ANLN: variants seen among roughly 807,000 people sequenced by gnomAD.
The protein encoded by ANLN is anillin.
A neutral mutation model predicts 135.1 loss-of-function variants in ANLN; 59 were observed. The ratio of observed to expected loss-of-function variants is 0.44; its 90% CI spans 0.35 to 0.54. The LOEUF (loss-of-function observed/expected upper bound fraction) is 0.54. Ranked by LOEUF, ANLN falls within the 20% of genes least tolerant of loss-of-function variation. ANLN has a pLI of 0.00. For synonymous variants in ANLN, 406 were observed against 456.4 expected (o/e 0.89, Z 1.41); for missense variants, 1,182 against 1,340.0 (o/e 0.88, Z 1.84).
chr7:36,447,720 C>A (rs867533699), intron 22 of ANLN, among the ~76,000 whole-genome samples: 2 of 152,142 alleles, frequency 1.3e-5, no homozygotes, highest in East Asian at 3.9e-4. Context: ...GGCGTGGATA[C>A]GCTGGACAAA....
Position 36,389,962 on chromosome 7 carries a change from C to T in ANLN, c.-65C>T. On this transcript the variant is annotated 5_prime_UTR_variant, in exon 1 of 24. Coordinates refer to ENST00000265748, the MANE Select transcript of ANLN (RefSeq NM_018685.5). ...TTCCAGGAGACACACTGAGCTGAGA[C>T]TCACTTTTCTCTTCCTGAATTTGAA... 1 of 1,614,038 alleles carries T rather than the reference C, an allele frequency of 6.2e-7. No individual in the cohort carries two copies. Among genetic ancestry groups the T allele is most frequent in the East Asian group, 2.2e-5 (1 of 44,878 alleles).
chr7:36,393,386 T>C (rs1451404664), intron 1 of ANLN, among the ~76,000 whole-genome samples: 2 of 152,170 alleles, frequency 1.3e-5, no homozygotes, highest in Non-Finnish European at 2.9e-5. Context: ...GGGAAACATA[T>C]TTAATAGCTT....
intron 12 of ANLN, among the ~76,000 whole-genome samples, 172 bp from the exon 13 acceptor site, chr7:36,421,685 A>G (rs1017031180): frequency 1.3e-5 from 2 of 152,256 alleles, no homozygotes; most frequent in African/African-American, 2.4e-5. Context: ...TTATTGTAAC[A>G]TGCTAAATGT....
chr7:36,411,259 T>C, intron 7 of ANLN, 93 bp downstream of exon 7: 1 of 1,005,118 alleles, frequency 9.9e-7, no homozygotes, highest in Non-Finnish European at 1.4e-6. Context: ...TCTTTACACA[T>C]TTTTCTTTTC....
intron 12 of ANLN, among the ~76,000 whole-genome samples, chr7:36,421,380 A>T (rs1787871014): frequency 6.6e-6 from 1 of 151,906 alleles, no homozygotes; most frequent in Non-Finnish European, 1.5e-5. Flanking sequence ...TAAAAAAAAT[A>T]TTTTAATTAT....
At chr7:36,441,777 C>G (rs1261823583) in intron 21 of ANLN, among the ~76,000 whole-genome samples, 1 of 152,200 alleles carries the variant, frequency 6.6e-6, no homozygotes, top group African/African-American at 2.4e-5. Flanking sequence ...GTTACCTTGT[C>G]TGTTTATTAC....
chr7:36,447,808 G>A (rs182395725), intron 22 of ANLN, among the ~76,000 whole-genome samples: 4 of 152,216 alleles, frequency 2.6e-5, no homozygotes, highest in East Asian at 1.9e-4. Flanking sequence ...TAAAACTTAC[G>A]AATAGTTTGT....
Position 36,411,153 on chromosome 7 carries a change from T to G in ANLN, c.1382T>G (p.Leu461Arg), listed in dbSNP as rs768348976. 6 of 1,604,966 alleles carry G rather than the reference T, an allele frequency of 3.7e-6. No individual in the cohort carries two copies. The East Asian group carries it at 8.9e-5, about 24-fold the overall frequency. Residue 461 changes from leucine (L) to arginine (R), a missense_variant, in exon 7 of 24, where the codon CTA (leucine) becomes CGA (arginine). Coordinates refer to ENST00000265748, the MANE Select transcript of ANLN (RefSeq NM_018685.5). The stretch of plus-strand genomic sequence containing the variant: ...GGCGGAAACTCAAAAAGCAAACAAC[T>G]AGAAACCAAACAGGTAATGTAAACA... Reference protein sequence around the residue: ...EKGGNSKSKQLETKQETHCQS... With the variant: ...EKGGNSKSKQRETKQETHCQS...
intron 7 of ANLN, among the ~76,000 whole-genome samples, chr7:36,412,419 C>T (rs1456348848): frequency 2.0e-5 from 3 of 150,552 alleles, no homozygotes; most frequent in African/African-American, 7.3e-5. Context: ...ACCTCCACCT[C>T]CCGGCTTCAA....
chr7:36,410,489 C>T (rs372391714), intron 5 of ANLN, 25 bp from the exon 6 acceptor site: 16 of 1,552,308 alleles, frequency 1.0e-5, no homozygotes, highest in Non-Finnish European at 1.2e-5. Context: ...TGAATAGCCT[C>T]CAAAAATGTG....
At chr7:36,402,344 C>T (rs1185187748) in intron 3 of ANLN, among the ~76,000 whole-genome samples, 1 of 150,814 alleles carries the variant, frequency 6.6e-6, no homozygotes, top group Non-Finnish European at 1.5e-5. Context: ...AACTCCTGAC[C>T]TCAGGTGATC....
chr7:36,417,866 G>A (rs906451245), intron 9 of ANLN, among the ~76,000 whole-genome samples: 3 of 151,744 alleles, frequency 2.0e-5, no homozygotes, highest in Non-Finnish European at 4.4e-5. Context: ...TAGTAGAGAG[G>A]GGGTTTCACC....
chr7:36,420,266 C>T lies in ANLN; in HGVS notation c.1967C>T (p.Ala656Val), dbSNP rs1387928172. 3 of 1,614,082 alleles carry T rather than the reference C, an allele frequency of 1.9e-6. No individual in the cohort carries two copies. Among genetic ancestry groups the T allele is most frequent in the Admixed American group, 3.3e-5 (2 of 60,018 alleles). Residue 656 changes from alanine to valine, a missense_variant, in exon 11 of 24, where the codon GCT becomes GTT. Physicochemically the swap from Ala to Val is moderately conservative, Grantham distance 64 (BLOSUM62 0). Around this residue, in one of 3 missense-constraint regions of ANLN, gnomAD observed 1,022 missense variants for 1,134.0 expected, o/e 0.90. Coordinates refer to ENST00000265748, the MANE Select transcript of ANLN (RefSeq NM_018685.5). ...TTCCAAAGAACTCGTGTCCCTCGAG[C>T]TGAATCTGGTGATAGCCTTGGTTCT... ...GKFQRTRVPR[A>V]ESGDSLGSED...
rs117525539 is a variant in ANLN, at chr7:36,423,188, G to A, written c.2476+379G>A. On this transcript the variant is annotated intron_variant, in intron 14 of 23. Coordinates refer to ENST00000265748, the MANE Select transcript of ANLN (RefSeq NM_018685.5). ...AATTTATTTTAAAAAATTTCTTTTT[G>A]AGGGGAAGGAGGGCTAGACATAGGT... Among the ~76,000 whole-genome samples, 134 of 152,166 alleles carry A rather than the reference G, an allele frequency of 8.8e-4. No homozygotes were observed. In the East Asian group the frequency reaches 0.01, roughly 11 times the overall value.
chr7:36,413,312 C>G (rs955155556), intron 7 of ANLN, among the ~76,000 whole-genome samples: 1 of 152,168 alleles, frequency 6.6e-6, no homozygotes, highest in African/African-American at 2.4e-5. Context: ...ATTCTATCTG[C>G]TTAAGCTTTG....
chr7:36,410,404 G>A, intron 5 of ANLN, 110 bp from the exon 6 acceptor site: 1 of 949,916 alleles, frequency 1.1e-6, no homozygotes. Flanking sequence ...GAATATTCCT[G>A]ATAGAATCAA....
Position 36,420,707 on chromosome 7 carries a change from C to A in ANLN, c.2126C>A (p.Ala709Asp), listed in dbSNP as rs574029952. The part of the protein sequence containing the change: ...VTSKLDEKNN[A>D]FPCQVNIKQK... ...TCAAAACTGGATGAAAAAAATAATG[C>A]CTTTCCTTGTCAAGTTAATATCAAA... Residue 709 changes from alanine (A) to aspartate (D), a missense_variant, in exon 12 of 24, where the codon GCC becomes GAC. By Grantham distance (126) the Ala-to-Asp change is moderately radical. Coordinates refer to ENST00000265748, the MANE Select transcript of ANLN (RefSeq NM_018685.5). 2 of 1,613,964 alleles carry A rather than the reference C, an allele frequency of 1.2e-6. No individual in the cohort carries two copies. The highest frequency in any genetic ancestry group is 2.2e-5 in the South Asian group (2 of 91,072).
At chr7:36,411,256 A>T (rs755978166) in intron 7 of ANLN, 90 bp downstream of exon 7, 528 of 1,033,662 alleles carry the variant, frequency 5.1e-4, no homozygotes, top group Non-Finnish European at 6.7e-4. Context: ...AATTCTTTAC[A>T]CATTTTTCTT....
At chr7:36,444,512 A>G (rs1788912884) in intron 22 of ANLN, among the ~76,000 whole-genome samples, 1 of 152,064 alleles carries the variant, frequency 6.6e-6, no homozygotes, top group African/African-American at 2.4e-5. Flanking sequence ...AGTTAGGGTA[A>G]AACAGTAATG....
Sources: gnomAD v4.1 joint callset for allele counts (sites outside exome capture counted in the v4.1 genomes callset) on GRCh38, gnomAD v4.1.1 for gene constraint, gnomAD v4.1.1 regional missense constraint, MANE v1.5 for transcripts, NCBI Gene and HGNC (gene_info 2026-07-23, HGNC 2026-07-21) for gene names.